The following MYPN variants were observed in gnomAD, a reference collection of about 807,000 sequenced individuals.
MYPN encodes sarcomeric protein myopalladin, 145 kDa (MYOP).
A neutral mutation model predicts 129.4 loss-of-function variants in MYPN; 63 were observed. The ratio of observed to expected loss-of-function variants is 0.49; its 90% confidence interval spans 0.40 to 0.60. MYPN has a LOEUF of 0.60. MYPN is among the 20% of genes least tolerant of loss of function. MYPN has a pLI of 0.00. For synonymous variants in MYPN, 629 were observed against 600.9 expected, an observed-to-expected ratio of 1.05 and a Z score of -0.68; for missense variants, 1,596 against 1,635.4, an observed-to-expected ratio of 0.98 and a Z score of 0.42.
At chr10:68,159,430 C>T (rs117046619) in intron 7 of MYPN, among the ~76,000 whole-genome samples, 47 of 152,334 alleles carry the variant, frequency 3.1e-4, no homozygotes, top group Non-Finnish European at 4.7e-4. Context: ...TTTTAATCTG[C>T]GCTTCACTAA....
rs771521427 is a variant in MYPN, at chr10:68,199,388, G to A, written c.3306G>A (p.Pro1102=). The change falls in exon 17 of 20, where the codon CCG becomes CCA. Residue 1102 remains proline (P), a synonymous_variant. Coordinates refer to ENST00000358913, the MANE Select transcript of MYPN (RefSeq NM_032578.4). ...ATTAGGTGAGTGGTTTACCGCCCCCGGAGCTGACATGGCTACTCAATGGCC... is the reference window on the plus strand; with the variant it reads ...ATTAGGTGAGTGGTTTACCGCCCCCAGAGCTGACATGGCTACTCAATGGCC... The part of the protein sequence containing the change: ...LDCKVSGLPP[P]ELTWLLNGQP... 22 of 1,613,850 alleles carry A rather than the reference G, an allele frequency of 1.4e-5. No homozygotes were observed. Among genetic ancestry groups the A allele is most frequent in the South Asian group, 8.8e-5 (8 of 91,078 alleles).
At chr10:68,157,153 G>A (rs1286096003) in intron 6 of MYPN, among the ~76,000 whole-genome samples, 1 of 152,156 alleles carries the variant, frequency 6.6e-6, no homozygotes, top group Non-Finnish European at 1.5e-5. Context: ...TTCATTGTGG[G>A]AGTGTGGAAA....
At chr10:68,122,974 A>G (rs1377105343) in intron 2 of MYPN, among the ~76,000 whole-genome samples, 2 of 152,214 alleles carry the variant, frequency 1.3e-5, no homozygotes, top group African/African-American at 2.4e-5. Context: ...AGAATTATTA[A>G]TAAGATATTT....
chr10:68,211,534 C>T lies in MYPN; in HGVS notation c.*1079C>T, dbSNP rs2043915652. The T allele has an allele frequency of 2.2e-6, 1 of 453,880 alleles. No individual in the cohort carries two copies. The highest frequency in any genetic ancestry group is 4.4e-6 in the Non-Finnish European group (1 of 226,780). The allele number at this position is 453,880 out of a possible 1,614,324, so 28.1% of individuals were successfully genotyped here. On this transcript the variant is annotated 3_prime_UTR_variant, in exon 20 of 20. Coordinates refer to ENST00000358913, the MANE Select transcript of MYPN (RefSeq NM_032578.4). ...CATTTTCTATGTAGAGAATATTCTG[C>T]TAGGTGGAAAAGTTGGGAGAAAGGG...
chr10:68,121,165 C>A (rs148457951), intron 1 of MYPN, among the ~76,000 whole-genome samples: 1 of 152,232 alleles, frequency 6.6e-6, no homozygotes, highest in African/African-American at 2.4e-5. Context: ...GTAGTCCCAG[C>A]TACGTGCAAG....
chr10:68,136,250 C>T (rs2042485074), intron 2 of MYPN: 10 of 987,134 alleles, frequency 1.0e-5, no homozygotes, highest in Non-Finnish European at 1.1e-5. Flanking sequence ...GCAAGCCATC[C>T]TTGTGCGTGA....
At chr10:68,162,981 G>GA (rs2043001427) in intron 8 of MYPN, among the ~76,000 whole-genome samples, 2 of 151,996 alleles carry the variant, frequency 1.3e-5, no homozygotes, top group Non-Finnish European at 2.9e-5. Flanking sequence ...TTCATGGCCT[G>GA]AAAAAAATGT....
chr10:68,194,230 CT>C (rs1310026096), intron 13 of MYPN, 132 bp from the exon 14 acceptor site: 16 of 885,078 alleles, frequency 1.8e-5, no homozygotes, highest in South Asian at 3.0e-5. Flanking sequence ...TGTTTTATAA[CT>C]TTTTTTCAAG....
intron 2 of MYPN, among the ~76,000 whole-genome samples, chr10:68,123,512 T>C (rs1381100011): frequency 7.9e-6 from 1 of 127,004 alleles, no homozygotes; most frequent in African/African-American, 3.2e-5. Context: ...CGGTCTCTAC[T>C]AAAAATACAA....
At chr10:68,145,919 C>T (rs191608504) in intron 4 of MYPN, among the ~76,000 whole-genome samples, 1 of 152,122 alleles carries the variant, frequency 6.6e-6, no homozygotes, top group Non-Finnish European at 1.5e-5. Context: ...GAGTCAACTC[C>T]TCCTTCTCTC....
intron 6 of MYPN, among the ~76,000 whole-genome samples, chr10:68,157,912 A>C (rs1338932951): frequency 6.6e-6 from 1 of 151,842 alleles, no homozygotes; most frequent in East Asian, 1.9e-4. Context: ...AAACAACAAC[A>C]AAAAAACCAC....
chr10:68,170,163 C>G (rs1326290103), intron 10 of MYPN, among the ~76,000 whole-genome samples: 3 of 152,144 alleles, frequency 2.0e-5, no homozygotes, highest in Admixed American at 6.5e-5. Flanking sequence ...GCAAAGGAGG[C>G]TGGAAGTACA....
intron 1 of MYPN, among the ~76,000 whole-genome samples, chr10:68,094,663 A>T (rs907445520): frequency 6.6e-6 from 1 of 152,144 alleles, no homozygotes; most frequent in African/African-American, 2.4e-5. Context: ...AATAAAATTT[A>T]TTTCGTGATA....
At chr10:68,098,822 G>A (rs898795915) in intron 1 of MYPN, among the ~76,000 whole-genome samples, 6 of 152,038 alleles carry the variant, frequency 3.9e-5, no homozygotes, top group African/African-American at 1.2e-4. Context: ...CAGCCTGGGC[G>A]ACAAGAGCAA....
intron 6 of MYPN, among the ~76,000 whole-genome samples, chr10:68,151,013 G>T (rs569122169): frequency 1.3e-5 from 2 of 152,196 alleles, no homozygotes; most frequent in South Asian, 2.1e-4. Context: ...TGTCACAGCT[G>T]GGGGGTTGCG....
intron 18 of MYPN, 25 bp downstream of exon 18, chr10:68,202,019 GGAC>G: frequency 6.2e-7 from 1 of 1,613,532 alleles, no homozygotes. Flanking sequence ...ACATCCAGAG[GGAC>G]TCCCACTCTC....
At chr10:68,185,551 GA>G (rs1181496920) in intron 12 of MYPN, among the ~76,000 whole-genome samples, 1 of 151,976 alleles carries the variant, frequency 6.6e-6, no homozygotes, top group Non-Finnish European at 1.5e-5. Flanking sequence ...CCCCACCAAT[GA>G]TCACAGAGCC....
chr10:68,123,961 A>G (rs374415827), intron 2 of MYPN, among the ~76,000 whole-genome samples: 1 of 152,216 alleles, frequency 6.6e-6, no homozygotes, highest in Non-Finnish European at 1.5e-5. Flanking sequence ...TTCATTATAC[A>G]TGTATTAAAT....
chr10:68,194,536 G>A, intron 14 of MYPN, 24 bp downstream of exon 14: 1 of 1,611,884 alleles, frequency 6.2e-7, no homozygotes, highest in Non-Finnish European at 8.5e-7. Flanking sequence ...GTTCTGCGCT[G>A]TGCTGCACTC....
Sources: gnomAD v4.1 joint callset for allele counts (sites outside exome capture counted in the v4.1 genomes callset) on GRCh38, gnomAD v4.1.1 for gene constraint, MANE v1.5 for transcripts, NCBI Gene and HGNC (gene_info 2026-07-23, HGNC 2026-07-21) for gene names.